The following FGF20 variants were observed in gnomAD, a reference collection of about 807,000 sequenced individuals.
FGF20 encodes fibroblast growth factor 20.
In FGF20, 8 loss-of-function variants were observed where a neutral mutation model predicts 16.7. That is an observed-to-expected ratio of 0.48 (90% CI 0.28 to 0.87). FGF20 has a LOEUF of 0.87. FGF20 is among the 40% of genes least tolerant of loss of function. The pLI is 0.10. For synonymous variants in FGF20, 161 were observed against 118.6 expected, an observed-to-expected ratio of 1.36 and a Z score of -2.32; for missense variants, 397 against 281.4, an observed-to-expected ratio of 1.41 and a Z score of -2.94.
At position 17,002,240 on chromosome 8, in the gene FGF20, G is replaced by A. The variant is rs1810206854; in HGVS notation, c.-208C>T. ...GCGATCTTCTCTCCTTGGGTAGGTG[G>A]GAGCCGGCTGCTGGCTCTGCAGAAA... On this transcript the variant is annotated 5_prime_UTR_variant, in exon 1 of 3. Coordinates refer to ENST00000180166, the MANE Select transcript of FGF20 (RefSeq NM_019851.3). The A allele has an allele frequency of 6.1e-6, 3 of 488,924 alleles. No homozygotes were observed. In the East Asian group the frequency reaches 1.1e-4, roughly 19 times the overall value. The allele number at this position is 488,924 out of a possible 1,614,324, so 30.3% of individuals were successfully genotyped here. A position where few individuals can be genotyped will look rare whatever the true frequency, so the allele number is the denominator to read the frequency against.
chr8:16,994,994 A>C (rs1460061584), intron 2 of FGF20, among the ~76,000 whole-genome samples: 1 of 152,196 alleles, frequency 6.6e-6, no homozygotes, highest in African/African-American at 2.4e-5. Context: ...ACAAAAAAAA[A>C]CTTAAACTGA....
At chr8:16,998,051 T>C (rs1810097386) in intron 1 of FGF20, among the ~76,000 whole-genome samples, 1 of 152,174 alleles carries the variant, frequency 6.6e-6, no homozygotes, top group Non-Finnish European at 1.5e-5. Context: ...AGTTTTCAAT[T>C]ACAATAAAAT....
chr8:17,001,119 C>T (rs575699390), intron 1 of FGF20, among the ~76,000 whole-genome samples: 1 of 134,850 alleles, frequency 7.4e-6, no homozygotes, highest in East Asian at 2.7e-4. Context: ...CAGGTGAGCC[C>T]TACAGGTAGC....
intron 2 of FGF20, among the ~76,000 whole-genome samples, chr8:16,994,767 G>T (rs1810004327): frequency 6.6e-6 from 1 of 152,244 alleles, no homozygotes; most frequent in South Asian, 2.1e-4. Context: ...TAATTACAGA[G>T]ACTTCAACCT....
Position 17,001,907 on chromosome 8 carries a change from G to A in FGF20, c.126C>T (p.Ser42=), listed in dbSNP as rs917244560. 6.1e-6 allele frequency: 9 copies of A among 1,469,008 alleles called. No homozygotes were observed. The highest frequency in any genetic ancestry group is 8.1e-6 in the Non-Finnish European group (9 of 1,112,358). 91.0% of individuals were successfully genotyped at this position (1,469,008 alleles called of 1,614,324 possible). ...ERPPLLGERR[S]AAERSARGGP... Reference sequence around the variant, plus strand: ...CGCCGCGCGCGCTCCGCTCCGCCGCGCTCCTGCGCTCGCCCAGCAGCGGCG... The same window carrying A: ...CGCCGCGCGCGCTCCGCTCCGCCGCACTCCTGCGCTCGCCCAGCAGCGGCG... The change falls in exon 1 of 3, where the codon AGC becomes AGT. Residue 42 remains serine (S), a synonymous_variant. Transcript: ENST00000180166.
At chr8:16,997,035 C>A (rs985929998) in intron 1 of FGF20, among the ~76,000 whole-genome samples, 1 of 152,066 alleles carries the variant, frequency 6.6e-6, no homozygotes, top group Non-Finnish European at 1.5e-5. Context: ...AATATGATAG[C>A]CAAATATAAT....
chr8:16,992,977 T>A lies in FGF20; in HGVS notation c.*95A>T, dbSNP rs998417008. 15 of 1,434,474 alleles carry A rather than the reference T, an allele frequency of 1.0e-5. No individual in the cohort carries two copies. Among genetic ancestry groups the A allele is most frequent in the Admixed American group, 4.5e-5 (2 of 44,356 alleles). 88.9% of individuals were successfully genotyped at this position (1,434,474 alleles called of 1,614,324 possible). A position where few individuals can be genotyped will look rare whatever the true frequency, so the allele number is the denominator to read the frequency against. On this transcript the variant is annotated 3_prime_UTR_variant, in exon 3 of 3. Transcript: ENST00000180166. ...TCTCAGTAGAAAATAGACTTTAATATTTTGAACGTCTCCTTGGGTCATTAT... is the reference window on the plus strand; with the variant it reads ...TCTCAGTAGAAAATAGACTTTAATAATTTGAACGTCTCCTTGGGTCATTAT...
intron 1 of FGF20, among the ~76,000 whole-genome samples, chr8:16,999,605 C>A (rs1563234237): frequency 1.3e-5 from 2 of 148,872 alleles, no homozygotes; most frequent in Non-Finnish European, 3.0e-5. Flanking sequence ...TCACTGCAAC[C>A]TGCGCCTCCC....
At chr8:16,994,005 G>T (rs542920874) in intron 2 of FGF20, among the ~76,000 whole-genome samples, 2 of 152,106 alleles carry the variant, frequency 1.3e-5, no homozygotes, top group South Asian at 4.2e-4. Context: ...TTTTTAACAG[G>T]CCACAGACCA....
intron 1 of FGF20, 94 bp downstream of exon 1, chr8:17,001,653 C>G (rs1409258871): frequency 1.5e-6 from 2 of 1,354,574 alleles, no homozygotes; most frequent in East Asian, 3.1e-5. Flanking sequence ...GCGGCGATGA[C>G]GCCCTTGGCA....
At chr8:16,997,105 G>A (rs909935503) in intron 1 of FGF20, among the ~76,000 whole-genome samples, 2 of 152,160 alleles carry the variant, frequency 1.3e-5, no homozygotes, top group Non-Finnish European at 2.9e-5. Flanking sequence ...CCATTTATCA[G>A]TAAACTGGGA....
chr8:16,995,710 C>G lies in FGF20; in HGVS notation c.335G>C (p.Gly112Ala). The G allele has an allele frequency of 6.2e-7, 1 of 1,610,312 alleles. No individual in the cohort carries two copies. The highest frequency in any genetic ancestry group is 8.5e-7 in the Non-Finnish European group (1 of 1,176,928). The change falls in exon 2 of 3, where the codon GGT (glycine) becomes GCT (alanine). Residue 112 changes from glycine to alanine, a missense_variant. By Grantham distance (60) the Gly-to-Ala change is moderately conservative. Coordinates refer to ENST00000180166, the MANE Select transcript of FGF20 (RefSeq NM_019851.3). ...TCCAAGATAGAGACCACTGTCCACACCTCTAATACTGACCAGTCCCACTGC... is the reference window on the plus strand; with the variant it reads ...TCCAAGATAGAGACCACTGTCCACAGCTCTAATACTGACCAGTCCCACTGC... ...SVAVGLVSIR[G>A]VDSGLYLGMN...
At chr8:16,996,694 T>G (rs1585102191) in intron 1 of FGF20, among the ~76,000 whole-genome samples, 2 of 152,180 alleles carry the variant, frequency 1.3e-5, no homozygotes, top group East Asian at 3.9e-4. Flanking sequence ...AAAGGGCATT[T>G]GTTTGTATTT....
intron 1 of FGF20, among the ~76,000 whole-genome samples, chr8:16,997,826 A>C (rs1810090226): frequency 6.6e-6 from 1 of 152,160 alleles, no homozygotes; most frequent in Non-Finnish European, 1.5e-5. Context: ...TAGGCCCAAA[A>C]CATAATTGGT....
In FGF20 at chr8:16,993,167, A is replaced by T. The variant is rs921238581; in HGVS notation, c.541T>A (p.Ser181Thr). 6.2e-6 allele frequency: 10 copies of T among 1,614,028 alleles called. No homozygotes were observed. Among genetic ancestry groups the T allele is most frequent in the Non-Finnish European group, 7.6e-6 (9 of 1,179,998 alleles). ...KDGTPRDGARSKRHQKFTHFL... is the reference protein window; with the variant it reads ...KDGTPRDGARTKRHQKFTHFL... ...TGTGTAAATTTCTGATGCCTCTTGG[A>T]CCTGGCGCCATCTCTTGGAGTTCCG... The change falls in exon 3 of 3, where the codon TCC (serine) becomes ACC (threonine). Residue 181 changes from serine (S) to threonine (T), a missense_variant. Transcript: ENST00000180166.
At chr8:17,001,048 TC>T (rs17514971) in intron 1 of FGF20, among the ~76,000 whole-genome samples, 3 of 74,558 alleles carry the variant, frequency 4.0e-5, no homozygotes, top group African/African-American at 9.9e-5. Flanking sequence ...CCCCCACCCC[TC>T]CCCCCCTTTC....
rs147135805 is a variant in FGF20 at position 16,999,308 on chromosome 8, C to T, written c.286+2439G>A. On this transcript the variant is annotated intron_variant, in intron 1 of 2. Coordinates refer to ENST00000180166, the MANE Select transcript of FGF20 (RefSeq NM_019851.3). ...GCTACTAAATAATTAACACAAATTT[C>T]GCAAAAACAAAATGTGCGAGCAAGA... Among the ~76,000 whole-genome samples, 282 of 152,210 alleles carry T rather than the reference C, an allele frequency of 1.9e-3. 1 individual carries two copies. Among genetic ancestry groups the T allele is most frequent in the African/African-American group, 6.6e-3 (276 of 41,532 alleles).
At chr8:16,999,607 G>A (rs952516778) in intron 1 of FGF20, among the ~76,000 whole-genome samples, 4 of 139,742 alleles carry the variant, frequency 2.9e-5, no homozygotes, top group Non-Finnish European at 6.0e-5. Flanking sequence ...ACTGCAACCT[G>A]CGCCTCCCGG....
At chr8:16,993,358 C>G (rs559931616) in intron 2 of FGF20, 41 bp from the exon 3 acceptor site, 2 of 1,524,942 alleles carry the variant, frequency 1.3e-6, no homozygotes, top group East Asian at 2.3e-5. Context: ...AAAAAAATAC[C>G]TTTGAGATAA....
Sources: allele counts gnomAD v4.1 joint callset (sites outside exome capture counted in the v4.1 genomes callset), GRCh38; gene constraint gnomAD v4.1.1; transcripts MANE v1.5; gene names NCBI Gene and HGNC (gene_info 2026-07-23, HGNC 2026-07-21).